The following CNTNAP2 variants were observed in gnomAD, a reference collection of about 807,000 sequenced individuals.
CNTNAP2 encodes contactin-associated protein-like 2.
Under a neutral mutation model 155.2 loss-of-function variants are expected in CNTNAP2, and 98 were observed. That is an observed-to-expected ratio of 0.63 (90% CI 0.54 to 0.75). CNTNAP2 has a LOEUF of 0.75. Among genes scored for constraint, CNTNAP2 ranks in the 30% least tolerant of loss-of-function variants. The pLI, the probability that CNTNAP2 is intolerant of heterozygous loss-of-function variation, is 0.00. For missense variants in CNTNAP2, 1,727 were observed against 1,688.1 expected (o/e 1.02, Z -0.40); for synonymous variants, 651 against 631.2 (o/e 1.03, Z -0.47).
At chr7:147,310,802 C>G (rs1307024713) in intron 9 of CNTNAP2, among the ~76,000 whole-genome samples, 1 of 152,158 alleles carries the variant, frequency 6.6e-6, no homozygotes, top group African/African-American at 2.4e-5. Context: ...GCAATAGATA[C>G]AGGGACCACT....
chr7:148,272,757 G>T (rs955488078), intron 21 of CNTNAP2, among the ~76,000 whole-genome samples: 2 of 152,172 alleles, frequency 1.3e-5, no homozygotes, highest in African/African-American at 4.8e-5. Context: ...CATGGTGATG[G>T]ATTCTTAAAT....
chr7:146,561,679 C>G (rs1167326629), intron 1 of CNTNAP2, among the ~76,000 whole-genome samples: 2 of 152,064 alleles, frequency 1.3e-5, no homozygotes, highest in Non-Finnish European at 2.9e-5. Context: ...TGAAGAAACT[C>G]CACAAAATCA....
At chr7:146,171,374 G>C (rs1798387796) in intron 1 of CNTNAP2, among the ~76,000 whole-genome samples, 1 of 152,074 alleles carries the variant, frequency 6.6e-6, no homozygotes, top group Admixed American at 6.5e-5. Context: ...ATTTAGAGGT[G>C]CTGAAAGAGG....
chr7:147,085,063 G>C (rs1380014053), intron 4 of CNTNAP2, among the ~76,000 whole-genome samples: 1 of 151,996 alleles, frequency 6.6e-6, no homozygotes, highest in East Asian at 1.9e-4. Flanking sequence ...CTCCAAGTTA[G>C]AAAAGCATTT....
intron 19 of CNTNAP2, among the ~76,000 whole-genome samples, chr7:148,228,697 G>A (rs545929718): frequency 7.7e-6 from 1 of 129,894 alleles, no homozygotes; most frequent in Non-Finnish European, 1.8e-5. Context: ...GCGTGGTAGC[G>A]TGCGCCTGTA....
intron 21 of CNTNAP2, among the ~76,000 whole-genome samples, chr7:148,357,501 C>A (rs1186238569): frequency 2.0e-5 from 3 of 152,144 alleles, no homozygotes. Flanking sequence ...CAAATTGTAG[C>A]CCCCGTTCAA....
chr7:147,644,171 T>C (rs1242717851), intron 13 of CNTNAP2, among the ~76,000 whole-genome samples: 1 of 152,208 alleles, frequency 6.6e-6, no homozygotes, highest in Non-Finnish European at 1.5e-5. Context: ...ACCAAATTAG[T>C]TCTACCCAAA....
At chr7:147,923,525 T>A (rs867532850) in intron 14 of CNTNAP2, among the ~76,000 whole-genome samples, 16 of 152,174 alleles carry the variant, frequency 1.1e-4, no homozygotes, top group Admixed American at 1.3e-4. Context: ...TTTTTAAAAA[T>A]TTTTTAGAGG....
intron 1 of CNTNAP2, among the ~76,000 whole-genome samples, chr7:146,482,466 T>G (rs188805000): frequency 3.0e-3 from 458 of 151,988 alleles, no homozygotes; most frequent in Middle Eastern, 0.01. Context: ...CACATTAGGT[T>G]GGTCACAGTG....
intron 1 of CNTNAP2, among the ~76,000 whole-genome samples, chr7:146,164,895 A>G (rs1798289301): frequency 6.6e-6 from 1 of 152,194 alleles, no homozygotes. Context: ...ACCAGTCTTC[A>G]GGAAGTTATT....
intron 15 of CNTNAP2, among the ~76,000 whole-genome samples, chr7:148,100,983 A>T (rs1804086960): frequency 6.6e-6 from 1 of 152,032 alleles, no homozygotes; most frequent in Admixed American, 6.6e-5. Context: ...CTTTGTAGGG[A>T]CATGGATGAA....
intron 1 of CNTNAP2, among the ~76,000 whole-genome samples, chr7:146,388,379 G>A (rs1795491121): frequency 6.6e-6 from 1 of 152,024 alleles, no homozygotes; most frequent in African/African-American, 2.4e-5. Context: ...AGGCTGCAGC[G>A]AGCCATGACT....
intron 15 of CNTNAP2, among the ~76,000 whole-genome samples, chr7:148,054,596 C>G (rs984578000): frequency 6.6e-6 from 1 of 151,916 alleles, no homozygotes; most frequent in Admixed American, 6.6e-5. Flanking sequence ...ACTCTATGCT[C>G]CCTAACTACA....
At chr7:148,057,240 G>A (rs375283418) in intron 15 of CNTNAP2, among the ~76,000 whole-genome samples, 1 of 151,940 alleles carries the variant, frequency 6.6e-6, no homozygotes, top group African/African-American at 2.4e-5. Context: ...GCGGTGGGTA[G>A]GAGGGTGCAC....
intron 8 of CNTNAP2, among the ~76,000 whole-genome samples, chr7:147,230,379 T>C (rs1469968139): frequency 6.6e-6 from 1 of 152,148 alleles, no homozygotes; most frequent in Non-Finnish European, 1.5e-5. Flanking sequence ...TGCCTCAGCC[T>C]CCTGAGTAGC....
intron 3 of CNTNAP2, among the ~76,000 whole-genome samples, chr7:146,871,913 T>C (rs1481889230): frequency 6.6e-6 from 1 of 152,110 alleles, no homozygotes; most frequent in African/African-American, 2.4e-5. Context: ...ACTTGATACA[T>C]CACATATTGC....
At chr7:147,746,101 A>G (rs1056012186) in intron 13 of CNTNAP2, among the ~76,000 whole-genome samples, 29 of 152,250 alleles carry the variant, frequency 1.9e-4, no homozygotes, top group African/African-American at 6.0e-4. Context: ...GATGAAGTGC[A>G]TATCTTGCAC....
At chr7:148,334,471 G>C (rs192070821) in intron 21 of CNTNAP2, among the ~76,000 whole-genome samples, 1 of 152,296 alleles carries the variant, frequency 6.6e-6, no homozygotes, top group East Asian at 1.9e-4. Context: ...ATGGAGCAGT[G>C]GCTGGCACCA....
intron 21 of CNTNAP2, among the ~76,000 whole-genome samples, chr7:148,337,844 T>C (rs1470030504): frequency 6.6e-6 from 1 of 152,242 alleles, no homozygotes; most frequent in Non-Finnish European, 1.5e-5. Flanking sequence ...ACATTCCCTA[T>C]TGTACCTTCT....
Sources: allele counts gnomAD v4.1 joint callset (sites outside exome capture counted in the v4.1 genomes callset), GRCh38; gene constraint gnomAD v4.1.1; transcripts MANE v1.5; gene names NCBI Gene and HGNC (gene_info 2026-07-23, HGNC 2026-07-21).